DAPK2: variants seen among roughly 807,000 people sequenced by gnomAD.
The protein encoded by DAPK2 is death associated protein kinase 2, also known as death-associated protein kinase 2.
DAPK2 carries 35 observed loss-of-function variants against 44.1 expected under a neutral mutation model. That is an observed-to-expected ratio of 0.79 (90% CI 0.61 to 1.05). DAPK2 has a LOEUF of 1.05. DAPK2 is among the 50% of genes least tolerant of loss of function. The pLI is 0.00. For missense variants in DAPK2, 453 were observed against 483.2 expected, an observed-to-expected ratio of 0.94 and a Z score of 0.59; for synonymous variants, 174 against 182.6, an observed-to-expected ratio of 0.95 and a Z score of 0.38.
At chr15:63,932,325 C>CACATGCTAATACATA (rs1212952902) in intron 4 of DAPK2, among the ~76,000 whole-genome samples, 1 of 150,598 alleles carries the variant, frequency 6.6e-6, no homozygotes, top group Admixed American at 6.6e-5. Flanking sequence ...ATTAGCCGGG[C>CACATGCTAATACATA]GTGGTAGCAC....
At chr15:64,046,369 C>T, upstream of DAPK2, 4 of 252,938 alleles carry the variant, frequency 1.6e-5, 1 homozygote, top group Non-Finnish European at 1.4e-5. This position sits in a 1 kb window ranked among gnomAD's most constrained non-coding sequence, Gnocchi z 5.3. Context: ...GCGGGCGCGG[C>T]GGGCGCGGCG....
intron 3 of DAPK2, among the ~76,000 whole-genome samples, chr15:63,943,871 G>A (rs1465818951): frequency 1.3e-5 from 2 of 151,808 alleles, no homozygotes; most frequent in East Asian, 3.9e-4. Flanking sequence ...GAGGGACTCT[G>A]TCTCAAAAAA....
At chr15:63,946,741 C>T (rs918479113) in intron 3 of DAPK2, among the ~76,000 whole-genome samples, 1 of 152,172 alleles carries the variant, frequency 6.6e-6, no homozygotes, top group Admixed American at 6.5e-5. Flanking sequence ...TCCAGATGCC[C>T]GTGTGGCCTG....
chr15:64,045,649 A>G (rs1029155890), intron 1 of DAPK2, among the ~76,000 whole-genome samples: 3 of 152,238 alleles, frequency 2.0e-5, no homozygotes, highest in African/African-American at 7.2e-5. Context: ...TCCACCGTGC[A>G]GAGTTACGGT....
chr15:64,021,524 C>T (rs149425580), intron 1 of DAPK2, among the ~76,000 whole-genome samples: 1 of 152,358 alleles, frequency 6.6e-6, no homozygotes, highest in Non-Finnish European at 1.5e-5. Flanking sequence ...TTACCAGCCC[C>T]TGTGCTCGTT....
Position 63,912,040 on chromosome 15 carries a change from A to G in DAPK2, c.949-49T>C, listed in dbSNP as rs749276601. 1.0e-5 allele frequency: 16 copies of G among 1,599,592 alleles called. No homozygotes were observed. Among genetic ancestry groups the G allele is most frequent in the African/African-American group, 1.3e-5 (1 of 74,646 alleles). On this transcript the variant is annotated intron_variant, in intron 9 of 10. Coordinates refer to ENST00000261891, the Ensembl canonical transcript of DAPK2. This position sits in a 1 kb window ranked among gnomAD's most constrained non-coding sequence, Gnocchi z 4.4. ...TCCCCAGGTGAGAATGTGCATGGAG[A>G]CCCTGGAGAGCCAGAAACCCCGCCC...
At chr15:63,934,072 T>C (rs535034785) in intron 4 of DAPK2, among the ~76,000 whole-genome samples, 2 of 152,208 alleles carry the variant, frequency 1.3e-5, no homozygotes, top group Admixed American at 6.5e-5. Context: ...TTTGGTTTTA[T>C]TGTTTTTCCC....
intron 1 of DAPK2, among the ~76,000 whole-genome samples, chr15:64,023,930 T>C (rs950280716): frequency 3.3e-5 from 5 of 152,210 alleles, no homozygotes; most frequent in Non-Finnish European, 4.4e-5. Flanking sequence ...CCTTTGGTTC[T>C]GCAAAAGAGA....
intron 2 of DAPK2, among the ~76,000 whole-genome samples, chr15:63,972,741 G>C (rs1031905579): frequency 6.6e-6 from 1 of 152,162 alleles, no homozygotes; most frequent in Non-Finnish European, 1.5e-5. Flanking sequence ...AAAAGAAATG[G>C]TTTAAAGACA....
intron 4 of DAPK2, among the ~76,000 whole-genome samples, chr15:63,931,714 G>A (rs1490198484): frequency 2.0e-5 from 3 of 152,186 alleles, no homozygotes; most frequent in Non-Finnish European, 2.9e-5. Context: ...GAAGGAGCAG[G>A]AGCTGAGCCA....
At chr15:64,010,120 A>C (rs2079350029) in intron 1 of DAPK2, among the ~76,000 whole-genome samples, 1 of 152,140 alleles carries the variant, frequency 6.6e-6, no homozygotes, top group Admixed American at 6.5e-5. Context: ...TCATCTGGGA[A>C]CCTGTCAGAA....
chr15:63,965,110 G>C (rs1300388185), intron 3 of DAPK2, among the ~76,000 whole-genome samples: 1 of 152,184 alleles, frequency 6.6e-6, no homozygotes, highest in Non-Finnish European at 1.5e-5. Flanking sequence ...CCAGATATTT[G>C]AAAGGACTTG....
At chr15:64,022,511 A>G (rs904012401) in intron 1 of DAPK2, among the ~76,000 whole-genome samples, 6 of 152,196 alleles carry the variant, frequency 3.9e-5, no homozygotes, top group Non-Finnish European at 8.8e-5. Flanking sequence ...AAAATGTTTA[A>G]ATGATCCTAA....
intron 1 of DAPK2, among the ~76,000 whole-genome samples, chr15:63,996,037 C>A (rs2078942473): frequency 6.6e-6 from 1 of 152,234 alleles, no homozygotes. Context: ...CAAATGACAA[C>A]AACTATGATG....
intron 1 of DAPK2, among the ~76,000 whole-genome samples, chr15:64,007,407 A>G (rs1236607912): frequency 6.6e-6 from 1 of 151,264 alleles, no homozygotes; most frequent in Non-Finnish European, 1.5e-5. Context: ...TATCATGGCA[A>G]TCTGTCCCCT....
intron 8 of DAPK2, chr15:63,919,185 AT>A (rs1180144953): frequency 1.3e-5 from 2 of 152,172 alleles, no homozygotes; most frequent in Non-Finnish European, 2.9e-5. Flanking sequence ...ACTTGGGGGC[AT>A]TTCTCAACTC....
At chr15:64,030,631 C>T (rs1196510837) in intron 1 of DAPK2, among the ~76,000 whole-genome samples, 2 of 152,118 alleles carry the variant, frequency 1.3e-5, no homozygotes, top group Non-Finnish European at 2.9e-5. Flanking sequence ...TGATCCCCTA[C>T]CCCTACTCGC....
chr15:64,029,489 C>T (rs1189976539), intron 1 of DAPK2, among the ~76,000 whole-genome samples: 1 of 152,148 alleles, frequency 6.6e-6, no homozygotes, highest in Non-Finnish European at 1.5e-5. Context: ...CTGGATTAGA[C>T]CCTGCCGCGC....
At chr15:63,957,800 A>G (rs2077769341) in intron 3 of DAPK2, among the ~76,000 whole-genome samples, 1 of 152,184 alleles carries the variant, frequency 6.6e-6, no homozygotes, top group Admixed American at 6.5e-5. Flanking sequence ...TGTTGTGAAT[A>G]GTGCCGCAAT....
Sources: allele counts gnomAD v4.1 joint callset (sites outside exome capture counted in the v4.1 genomes callset), GRCh38; gene constraint gnomAD v4.1.1; non-coding constraint Gnocchi (gnomAD v3.1); transcripts MANE v1.5; gene names NCBI Gene and HGNC (gene_info 2026-07-23, HGNC 2026-07-21).